The following DDI2 variants were observed in gnomAD, a reference collection of about 807,000 sequenced individuals.
DDI2 encodes the protein DDI proteasomal shuttling factor 2.
Under a neutral mutation model 48.1 loss-of-function variants are expected in DDI2, and 5 were observed. The observed-to-expected ratio is 0.10, with a 90% CI of 0.05 to 0.22. DDI2 has a LOEUF of 0.22. DDI2 is among the 10% of genes least tolerant of loss of function. DDI2 has a pLI of 1.00. For missense variants in DDI2, 285 were observed against 506.2 expected (o/e 0.56, Z 4.19); for synonymous variants, 205 against 183.6 (o/e 1.12, Z -0.94).
intron 4 of DDI2, 67 bp downstream of exon 4, chr1:15,633,632 G>C (rs1639881885): frequency 6.3e-7 from 1 of 1,590,410 alleles, no homozygotes. Flanking sequence ...CAGGTTATCT[G>C]ACATTGGTTG....
At chr1:15,646,866 A>G (rs1454286193) in intron 6 of DDI2, among the ~76,000 whole-genome samples, 1 of 152,226 alleles carries the variant, frequency 6.6e-6, no homozygotes, top group African/African-American at 2.4e-5. Flanking sequence ...TCAAAAGTAT[A>G]GAAATGTGAG....
intron 4 of DDI2, among the ~76,000 whole-genome samples, chr1:15,637,372 G>A (rs774754571): frequency 3.9e-5 from 6 of 151,966 alleles, no homozygotes; most frequent in African/African-American, 7.3e-5. Context: ...ACTGCACCTG[G>A]CATGTTGATT....
chr1:15,642,413 A>G (rs569845881), intron 5 of DDI2, among the ~76,000 whole-genome samples: 58 of 152,336 alleles, frequency 3.8e-4, no homozygotes, highest in South Asian at 8.3e-4. Context: ...ATAGTAGACT[A>G]TAGTGTCCCA....
At chr1:15,635,288 A>G (rs1354557839) in intron 4 of DDI2, among the ~76,000 whole-genome samples, 3 of 152,140 alleles carry the variant, frequency 2.0e-5, no homozygotes, top group Non-Finnish European at 4.4e-5. Flanking sequence ...GCCCTAAGTC[A>G]TTACGAAATT....
chr1:15,642,918 T>C (rs943477021), intron 5 of DDI2, among the ~76,000 whole-genome samples: 5 of 152,104 alleles, frequency 3.3e-5, no homozygotes, highest in Non-Finnish European at 7.4e-5. Context: ...ATACAAAAAA[T>C]TAGCCGGGTG....
intron 1 of DDI2, among the ~76,000 whole-genome samples, chr1:15,621,036 T>TA (rs1639651955): frequency 6.6e-6 from 1 of 152,198 alleles, no homozygotes; most frequent in Admixed American, 6.5e-5. Flanking sequence ...TGATAGTAGT[T>TA]ACAATGCAGT....
rs1299164537 is a variant in DDI2 at position 15,656,737 on chromosome 1, CTG to C, written c.*46+60_*46+61del. ...CAGTTGTCATCTGTGATCTGACAGTCTGTATCCGCAGCAGTTTGGGAAGTTAG... is the reference window on the plus strand; with the variant it reads ...CAGTTGTCATCTGTGATCTGACAGTCTATCCGCAGCAGTTTGGGAAGTTAG... On this transcript the variant is annotated intron_variant, in intron 9 of 9. Coordinates refer to ENST00000480945, the MANE Select transcript of DDI2 (RefSeq NM_032341.5). 10 of 1,606,586 alleles carry C rather than the reference CTG, an allele frequency of 6.2e-6. No homozygotes were observed. In the African/African-American group the frequency reaches 1.1e-4, roughly 17 times the overall value.
intron 5 of DDI2, among the ~76,000 whole-genome samples, chr1:15,640,240 T>C (rs1639986705): frequency 6.6e-6 from 1 of 152,160 alleles, no homozygotes; most frequent in South Asian, 2.1e-4. Context: ...TGATTCCTTA[T>C]TGTGTGCCAA....
rs113409375 is a variant in DDI2 at position 15,636,353 on chromosome 1, C to A, written c.633-1954C>A. On this transcript the variant is annotated intron_variant, in intron 4 of 9. Coordinates refer to ENST00000480945, the MANE Select transcript of DDI2 (RefSeq NM_032341.5). ...GTGTTGCCCAGTCGTGTCTTGAAGT[C>A]CTGGGCTCGAGTGATTTGTCCAGCT... is the stretch of plus-strand genomic sequence containing the variant. 1.7e-3 allele frequency among the ~76,000 whole-genome samples: 254 copies of A among 152,180 alleles called. 2 individuals are homozygous for A. The highest frequency in any genetic ancestry group is 5.7e-3 in the African/African-American group (235 of 41,532).
In DDI2 at chr1:15,661,463, TAACA is replaced by T. The variant is rs1640377411; in HGVS notation, c.*1674_*1677del. The T allele has an allele frequency of 1.2e-5, 19 of 1,613,838 alleles. No homozygotes were observed. Among genetic ancestry groups the T allele is most frequent in the Non-Finnish European group, 1.6e-5 (19 of 1,179,928 alleles). On this transcript the variant is annotated 3_prime_UTR_variant, in exon 10 of 10. Transcript: ENST00000480945. ...TTAGGTCAGGGCATACAGAATTCAG[TAACA>T]GACAGGCCTGAAACCAGAGAAAATG...
intron 1 of DDI2, among the ~76,000 whole-genome samples, chr1:15,621,686 C>G (rs1438552236): frequency 1.3e-5 from 2 of 151,978 alleles, no homozygotes; most frequent in Non-Finnish European, 2.9e-5. Flanking sequence ...GCATCCGGCC[C>G]CAAATTGATA....
In DDI2 at chr1:15,667,462, T is replaced by C. The variant is rs1248795876; in HGVS notation, c.*7672T>C. 6.6e-6 allele frequency: 1 copy of C among 152,180 alleles called. No individual in the cohort carries two copies. The highest frequency in any genetic ancestry group is 1.5e-5 in the Non-Finnish European group (1 of 68,034). 9.4% of individuals were successfully genotyped at this position (152,180 alleles called of 1,614,324 possible). On this transcript the variant is annotated 3_prime_UTR_variant, in exon 10 of 10. Transcript: ENST00000480945. ...GCGGCAGCATCCTCCTCACATCCCTTTGTGAGCACGGCTGCTCCGGAATAC... is the reference window on the plus strand; with the variant it reads ...GCGGCAGCATCCTCCTCACATCCCTCTGTGAGCACGGCTGCTCCGGAATAC...
chr1:15,631,017 G>T lies in DDI2; in HGVS notation c.505+456G>T, dbSNP rs190535970. Among the ~76,000 whole-genome samples the T allele has an allele frequency of 2.5e-4, 38 of 152,218 alleles. No homozygotes were observed. In the East Asian group the frequency reaches 6.8e-3, roughly 27 times the overall value. On this transcript the variant is annotated intron_variant, in intron 3 of 9. Coordinates refer to ENST00000480945, the MANE Select transcript of DDI2 (RefSeq NM_032341.5). Reference sequence around the variant, plus strand: ...TGCTGCCACACCTGGCTAATTTTTTGTATTTTTATTAGAGACGGGGTTTCA... The same window carrying T: ...TGCTGCCACACCTGGCTAATTTTTTTTATTTTTATTAGAGACGGGGTTTCA...
intron 7 of DDI2, among the ~76,000 whole-genome samples, chr1:15,651,149 G>A (rs1000340036): frequency 6.6e-6 from 1 of 152,132 alleles, no homozygotes; most frequent in Admixed American, 6.5e-5. Flanking sequence ...CACCACGCCC[G>A]GCTCACAGCA....
In DDI2 at chr1:15,630,549, A is replaced by G. The variant is rs750285872; in HGVS notation, c.493A>G (p.Ser165Gly). The G allele has an allele frequency of 3.1e-6, 5 of 1,611,940 alleles. No individual in the cohort carries two copies. The highest frequency in any genetic ancestry group is 3.3e-5 in the Admixed American group (2 of 60,014). The part of the protein sequence containing the change: ...RNPPLAEALL[S>G]GDLEKFSRVL... ...TCCACCCCTGGCAGAAGCTCTGCTC[A>G]GTGGAGACCTTGGTAAGCTTATAAA... The change falls in exon 3 of 10, where the codon AGT (serine) becomes GGT (glycine). Residue 165 changes from serine (S) to glycine (G), a missense_variant. Physicochemically the swap from Ser to Gly is moderately conservative, Grantham distance 56. Transcript: ENST00000480945.
rs1410771128 is a variant in DDI2, at chr1:15,647,601, A to G, written c.890-2119A>G. On this transcript the variant is annotated intron_variant, in intron 6 of 9. Coordinates refer to ENST00000480945, the MANE Select transcript of DDI2 (RefSeq NM_032341.5). Reference sequence around the variant, plus strand: ...TTGCTAACCTGTACCAATCCAGTTTATCCACCACTGAATGAATATTCATCT... The same window carrying G: ...TTGCTAACCTGTACCAATCCAGTTTGTCCACCACTGAATGAATATTCATCT... Among the ~76,000 whole-genome samples, 5 of 152,300 alleles carry G rather than the reference A, an allele frequency of 3.3e-5. 1 individual carries two copies. The highest frequency in any genetic ancestry group is 7.4e-5 in the Non-Finnish European group (5 of 68,026).
rs1001276601 is a variant in DDI2, at chr1:15,656,792, T to C, written c.*46+113T>C. On this transcript the variant is annotated intron_variant, in intron 9 of 9. Coordinates refer to ENST00000480945, the MANE Select transcript of DDI2 (RefSeq NM_032341.5). ...TTTGTCATTCACCATTTCACCTTGT[T>C]CAATCTGGTTACAACTAGCCTATAT... 5.4e-6 allele frequency: 8 copies of C among 1,483,792 alleles called. No homozygotes were observed. In the Admixed American group the frequency reaches 5.6e-5, roughly 10 times the overall value. 91.9% of individuals were successfully genotyped at this position (1,483,792 alleles called of 1,614,324 possible).
intron 6 of DDI2, among the ~76,000 whole-genome samples, chr1:15,648,151 A>C (rs748230041): frequency 6.6e-6 from 1 of 152,144 alleles, no homozygotes; most frequent in African/African-American, 2.4e-5. Flanking sequence ...ACTACCTTAC[A>C]CTTTCCTAAA....
intron 2 of DDI2, 23 bp downstream of exon 2, chr1:15,626,821 A>G (rs372813942): frequency 6.2e-7 from 1 of 1,613,946 alleles, no homozygotes; most frequent in African/African-American, 1.3e-5. Context: ...GTGGTTGAGC[A>G]TCCCCCAGCA....
Sources: gnomAD v4.1 joint callset for allele counts (sites outside exome capture counted in the v4.1 genomes callset) on GRCh38, gnomAD v4.1.1 for gene constraint, MANE v1.5 for transcripts, NCBI Gene and HGNC (gene_info 2026-07-23, HGNC 2026-07-21) for gene names.